PLCE1: variants seen among roughly 807,000 people sequenced by gnomAD.
The protein encoded by PLCE1 is phospholipase C epsilon 1, also known as 1-phosphatidylinositol 4,5-bisphosphate phosphodiesterase epsilon-1.
PLCE1 carries 119 observed loss-of-function variants against 242.8 expected under a neutral mutation model. The ratio of observed to expected loss-of-function variants is 0.49; its 90% CI spans 0.42 to 0.57. The LOEUF (loss-of-function observed/expected upper bound fraction) is 0.57. PLCE1 is among the 20% of genes least tolerant of loss of function. The pLI, the probability that PLCE1 is intolerant of heterozygous loss-of-function variation, is 0.00. For missense variants in PLCE1, 2,441 were observed against 2,788.8 expected (o/e 0.88, Z 2.81); for synonymous variants, 945 against 1,017.4 (o/e 0.93, Z 1.35).
intron 3 of PLCE1, chr10:94,138,172 G>A (rs1554864041): frequency 5.3e-6 from 2 of 378,466 alleles, no homozygotes; most frequent in Non-Finnish European, 1.0e-5. Context: ...GAGGCATCTG[G>A]CTTCTGCTAA....
chr10:94,185,369 G>A (rs1378117301), intron 4 of PLCE1, among the ~76,000 whole-genome samples: 1 of 152,192 alleles, frequency 6.6e-6, no homozygotes, highest in Admixed American at 6.5e-5. Flanking sequence ...GGTAGTGTGT[G>A]CCTGTAATCC....
intron 2 of PLCE1, among the ~76,000 whole-genome samples, chr10:94,098,516 T>TA (rs1356208196): frequency 1.3e-5 from 2 of 152,238 alleles, no homozygotes; most frequent in Non-Finnish European, 2.9e-5. Context: ...AATTATGATT[T>TA]AATGACAAGC....
At chr10:94,281,608 G>A (rs1411232238) in intron 20 of PLCE1, among the ~76,000 whole-genome samples, 1 of 152,142 alleles carries the variant, frequency 6.6e-6, no homozygotes, top group Non-Finnish European at 1.5e-5. Context: ...TGATACCTGG[G>A]GCAATGTCTT....
intron 7 of PLCE1, among the ~76,000 whole-genome samples, chr10:94,238,640 GA>G (rs1029512261): frequency 5.3e-5 from 8 of 152,142 alleles, no homozygotes; most frequent in African/African-American, 1.9e-4. Context: ...CCAGCATAAA[GA>G]ATAAATAAAC....
intron 5 of PLCE1, among the ~76,000 whole-genome samples, chr10:94,232,308 AT>A (rs1475409880): frequency 6.6e-6 from 1 of 152,206 alleles, no homozygotes; most frequent in African/African-American, 2.4e-5. Context: ...AAATTTTAAT[AT>A]CTCATTCAAT....
intron 3 of PLCE1, among the ~76,000 whole-genome samples, chr10:94,170,959 C>T (rs2047955119): frequency 6.6e-6 from 1 of 152,172 alleles, no homozygotes; most frequent in African/African-American, 2.4e-5. Context: ...AACCCTACCA[C>T]CACCACCACC....
chr10:94,223,014 G>T (rs75706307), intron 4 of PLCE1, among the ~76,000 whole-genome samples: 2 of 152,130 alleles, frequency 1.3e-5, no homozygotes, highest in Admixed American at 6.5e-5. Context: ...ACGACAGCCA[G>T]TGTGGAGCCT....
At chr10:94,315,744 T>A (rs1240900526) in intron 28 of PLCE1, among the ~76,000 whole-genome samples, 2 of 134,608 alleles carry the variant, frequency 1.5e-5, no homozygotes, top group African/African-American at 5.6e-5. Flanking sequence ...CACTCCAGCC[T>A]GGGCGACAGA....
At chr10:94,169,557 A>G (rs531937919) in intron 3 of PLCE1, among the ~76,000 whole-genome samples, 24 of 152,282 alleles carry the variant, frequency 1.6e-4, no homozygotes, top group Admixed American at 1.4e-3. Flanking sequence ...AGTTTCTGAC[A>G]TGACCTACAC....
intron 2 of PLCE1, among the ~76,000 whole-genome samples, chr10:94,071,183 T>C (rs559246444): frequency 6.6e-6 from 1 of 152,248 alleles, no homozygotes; most frequent in African/African-American, 2.4e-5. Flanking sequence ...AGCTTGGGCC[T>C]GACCCATGCA....
Position 94,160,723 on chromosome 10 carries a change from G to T in PLCE1, c.1493-10457G>T, listed in dbSNP as rs1439229784. ...CCTATGTCCTGAATGGTATTGCCTAGGTTTTCTTCTAGGGTTTTTATGGTT... is the reference window on the plus strand; with the variant it reads ...CCTATGTCCTGAATGGTATTGCCTATGTTTTCTTCTAGGGTTTTTATGGTT... On this transcript the variant is annotated intron_variant, in intron 3 of 32. Coordinates refer to ENST00000371380, the MANE Select transcript of PLCE1 (RefSeq NM_016341.4). 2.6e-5 allele frequency among the ~76,000 whole-genome samples: 4 copies of T among 152,206 alleles called. No individual in the cohort carries two copies. In the East Asian group the frequency reaches 7.7e-4, roughly 29 times the overall value.
intron 2 of PLCE1, among the ~76,000 whole-genome samples, chr10:94,111,414 A>G (rs957779509): frequency 1.3e-5 from 2 of 152,230 alleles, no homozygotes; most frequent in Non-Finnish European, 2.9e-5. Context: ...GAATGAAAGC[A>G]GAAATGCAGT....
At position 94,330,149 on chromosome 10, in the gene PLCE1, A is replaced by G. The variant is rs1370394780; in HGVS notation, c.*2206A>G. On this transcript the variant is annotated 3_prime_UTR_variant, in exon 33 of 33. Transcript: ENST00000371380. Reference sequence around the variant, plus strand: ...AGACTCGTCTCTTTAGGTTTATCACATTTGATTCTGATGCTAAGCGCTGCC... The same window carrying G: ...AGACTCGTCTCTTTAGGTTTATCACGTTTGATTCTGATGCTAAGCGCTGCC... 1 of 137,942 alleles carries G rather than the reference A, an allele frequency of 7.2e-6. No homozygotes were observed. Among genetic ancestry groups the G allele is most frequent in the East Asian group, 2.0e-4 (1 of 4,884 alleles). The allele number at this position is 137,942 out of a possible 1,614,324, so 8.5% of individuals were successfully genotyped here.
intron 2 of PLCE1, 51 bp downstream of exon 2, chr10:94,032,303 CA>C (rs766251269): frequency 6.7e-5 from 102 of 1,513,444 alleles, no homozygotes; most frequent in South Asian, 2.3e-4. Flanking sequence ...CTTTTTTTTT[CA>C]AAAAAAAGTC....
At position 94,052,187 on chromosome 10, in the gene PLCE1, G is replaced by A. The variant is rs2043784176; in HGVS notation, c.1206+19935G>A. 2.6e-5 allele frequency among the ~76,000 whole-genome samples: 4 copies of A among 152,166 alleles called. No individual in the cohort carries two copies. The South Asian group carries it at 6.2e-4, about 24-fold the overall frequency. ...TAGAGGCTTGTAACCAAACCAAAAA[G>A]CAATGTTTTCAAAGTTCAATTCAGT... On this transcript the variant is annotated intron_variant, in intron 2 of 32. Transcript: ENST00000371380.
rs1590089490 is a variant in PLCE1, at chr10:94,132,377, C to T, written c.1410C>T (p.Leu470=). The T allele has an allele frequency of 1.9e-6, 3 of 1,614,142 alleles. No homozygotes were observed. The highest frequency in any genetic ancestry group is 2.5e-6 in the Non-Finnish European group (3 of 1,180,004). ...TATCGCAGTACATCACCGGTTCTCT[C>T]CTAGAAGCAACCACGTCTTTGGGAG... ...TSISQYITGS[L]LEATTSLGAR... The change falls in exon 3 of 33, where the codon CTC becomes CTT. Residue 470 remains leucine, a synonymous_variant. Transcript: ENST00000371380.
intron 2 of PLCE1, among the ~76,000 whole-genome samples, chr10:94,036,118 C>G (rs566427227): frequency 6.6e-6 from 1 of 152,140 alleles, no homozygotes. Context: ...ACAGTTTGAC[C>G]TCTTTGTTTC....
rs776401726 is a variant in PLCE1, at chr10:94,273,631, C to T, written c.4576C>T (p.Pro1526Ser). 1 of 1,613,376 alleles carries T rather than the reference C, an allele frequency of 6.2e-7. No individual in the cohort carries two copies. The highest frequency in any genetic ancestry group is 8.5e-7 in the Non-Finnish European group (1 of 1,179,342). The part of the protein sequence containing the change: ...ETDFSDDPML[P>S]SPDQLRKKVL... ...TGATTTCTCAGATGATCCAATGCTTCCTTCACCTGACCAACTCAGAAAGAA... is the reference window on the plus strand; with the variant it reads ...TGATTTCTCAGATGATCCAATGCTTTCTTCACCTGACCAACTCAGAAAGAA... The change falls in exon 19 of 33, where the codon CCT becomes TCT. Residue 1526 changes from proline (P) to serine (S), a missense_variant. This residue lies in a region of PLCE1 where 1,004 missense variants were observed against 1,322.7 expected (regional missense o/e 0.76). Transcript: ENST00000371380.
intron 2 of PLCE1, among the ~76,000 whole-genome samples, chr10:94,037,668 T>C (rs187997280): frequency 8.5e-5 from 13 of 152,284 alleles, no homozygotes; most frequent in East Asian, 1.9e-4. Flanking sequence ...AGTTTAGTCA[T>C]GTCTAGTGCC....
Sources: gnomAD v4.1 joint callset for allele counts (sites outside exome capture counted in the v4.1 genomes callset) on GRCh38, gnomAD v4.1.1 for gene constraint, gnomAD v4.1.1 regional missense constraint, MANE v1.5 for transcripts, NCBI Gene and HGNC (gene_info 2026-07-23, HGNC 2026-07-21) for gene names.